CTNNA2: variants seen among roughly 807,000 people sequenced by gnomAD.
CTNNA2 encodes the protein catenin alpha-2.
CTNNA2 carries 42 observed loss-of-function variants against 101.0 expected under a neutral mutation model. That is an observed-to-expected ratio of 0.42 (90% confidence interval 0.32 to 0.54). The LOEUF (loss-of-function observed/expected upper bound fraction) is 0.54. Ranked by LOEUF, CTNNA2 falls within the 20% of genes least tolerant of loss-of-function variation. The pLI is 0.14. For synonymous variants in CTNNA2, 450 were observed against 456.4 expected (o/e 0.99, Z 0.18); for missense variants, 871 against 1,223.1 (o/e 0.71, Z 4.29).
chr2:80,523,100 A>G (rs1012288899), intron 9 of CTNNA2, among the ~76,000 whole-genome samples: 1 of 152,184 alleles, frequency 6.6e-6, no homozygotes, highest in Non-Finnish European at 1.5e-5. Flanking sequence ...AAATAGGGTC[A>G]GGGTGAATGA....
intron 3 of CTNNA2, among the ~76,000 whole-genome samples, chr2:79,326,345 G>T (rs1676747502): frequency 6.6e-6 from 1 of 150,900 alleles, no homozygotes; most frequent in Non-Finnish European, 1.5e-5. Flanking sequence ...GTAGGGGATT[G>T]GAAGAAAAAT....
At chr2:79,545,965 T>G (rs1173819003) in intron 1 of CTNNA2, among the ~76,000 whole-genome samples, 1 of 152,186 alleles carries the variant, frequency 6.6e-6, no homozygotes, top group East Asian at 1.9e-4. Flanking sequence ...TTATCTCAGT[T>G]TAGCAGAGAA....
intron 2 of CTNNA2, among the ~76,000 whole-genome samples, chr2:79,307,283 A>G (rs1005503095): frequency 6.6e-6 from 1 of 152,116 alleles, no homozygotes. Flanking sequence ...ATTATATCAG[A>G]TATTATTGTT....
At chr2:79,620,679 G>T (rs565716621) in intron 1 of CTNNA2, among the ~76,000 whole-genome samples, 1 of 152,270 alleles carries the variant, frequency 6.6e-6, no homozygotes. Context: ...AGGTTCTGTT[G>T]ACCCTCAAGA....
At chr2:79,294,063 T>A (rs1675903224) in intron 2 of CTNNA2, among the ~76,000 whole-genome samples, 1 of 152,062 alleles carries the variant, frequency 6.6e-6, no homozygotes, top group African/African-American at 2.4e-5. Flanking sequence ...TTAAGCAATG[T>A]AAATTTCTCT....
intron 7 of CTNNA2, among the ~76,000 whole-genome samples, chr2:79,973,525 T>C (rs560395379): frequency 1.3e-5 from 2 of 152,032 alleles, no homozygotes; most frequent in Admixed American, 6.6e-5. Flanking sequence ...TGGAAAAAAA[T>C]ATTGAAGCCT....
intron 18 of CTNNA2, among the ~76,000 whole-genome samples, chr2:80,635,517 A>AT (rs1398027009): frequency 6.6e-6 from 1 of 152,200 alleles, no homozygotes; most frequent in Non-Finnish European, 1.5e-5. Flanking sequence ...ATATAGCTAC[A>AT]TATGTGTCTA....
intron 9 of CTNNA2, among the ~76,000 whole-genome samples, chr2:80,518,692 T>C (rs545622282): frequency 6.6e-6 from 1 of 152,342 alleles, no homozygotes; most frequent in Non-Finnish European, 1.5e-5. Flanking sequence ...TGTTTTTTGC[T>C]ACTAGATTCT....
At chr2:79,786,752 C>T (rs1674879872) in intron 3 of CTNNA2, among the ~76,000 whole-genome samples, 4 of 151,980 alleles carry the variant, frequency 2.6e-5, no homozygotes, top group Admixed American at 2.6e-4. Context: ...ATAAGTACTC[C>T]CCAACCTGCT....
intron 7 of CTNNA2, among the ~76,000 whole-genome samples, chr2:80,341,128 T>C (rs965504889): frequency 5.9e-5 from 9 of 152,074 alleles, no homozygotes; most frequent in African/African-American, 2.2e-4. Flanking sequence ...AACAACAACT[T>C]GGAAGTTCTC....
At chr2:80,438,921 CTCTG>C (rs1434064636) in intron 9 of CTNNA2, among the ~76,000 whole-genome samples, 1 of 152,186 alleles carries the variant, frequency 6.6e-6, no homozygotes, top group Admixed American at 6.5e-5. Context: ...CCTTTTTATG[CTCTG>C]TCTGAGAAAT....
At chr2:80,008,575 T>A (rs1202447916) in intron 7 of CTNNA2, among the ~76,000 whole-genome samples, 1 of 152,158 alleles carries the variant, frequency 6.6e-6, no homozygotes, top group East Asian at 1.9e-4. Context: ...TGGACCCAGA[T>A]TCAAGGAAAG....
intron 7 of CTNNA2, among the ~76,000 whole-genome samples, chr2:80,344,055 C>A (rs1672483802): frequency 6.6e-6 from 1 of 152,106 alleles, no homozygotes; most frequent in Non-Finnish European, 1.5e-5. Flanking sequence ...GCACTCTGCC[C>A]CAACCTACCC....
intron 4 of CTNNA2, among the ~76,000 whole-genome samples, chr2:79,478,695 C>T (rs889094946): frequency 2.6e-5 from 4 of 152,202 alleles, no homozygotes; most frequent in Non-Finnish European, 5.9e-5. Flanking sequence ...ATACCTCTTA[C>T]TAATAATATT....
intron 7 of CTNNA2, among the ~76,000 whole-genome samples, chr2:80,092,803 C>T (rs1699868731): frequency 1.3e-5 from 2 of 152,092 alleles, no homozygotes; most frequent in South Asian, 2.1e-4. Flanking sequence ...CTATTCCATC[C>T]AGAGGTTCCC....
intron 7 of CTNNA2, among the ~76,000 whole-genome samples, chr2:79,947,288 A>G (rs1688563554): frequency 6.6e-6 from 1 of 152,190 alleles, no homozygotes; most frequent in African/African-American, 2.4e-5. Flanking sequence ...TTTCTGTTCT[A>G]TTAGGATATA....
intron 9 of CTNNA2, among the ~76,000 whole-genome samples, chr2:80,516,204 A>G (rs1239109425): frequency 6.6e-6 from 1 of 152,208 alleles, no homozygotes; most frequent in Non-Finnish European, 1.5e-5. Context: ...GCTAATATGC[A>G]TCTTGCCTTT....
intron 7 of CTNNA2, among the ~76,000 whole-genome samples, chr2:80,067,912 A>T (rs539955993): frequency 6.6e-6 from 1 of 152,272 alleles, no homozygotes; most frequent in East Asian, 1.9e-4. Flanking sequence ...GCTCCAGTCA[A>T]GCCTCGAGGT....
At chr2:80,167,185 T>G (rs1704756160) in intron 7 of CTNNA2, among the ~76,000 whole-genome samples, 1 of 152,202 alleles carries the variant, frequency 6.6e-6, no homozygotes, top group Non-Finnish European at 1.5e-5. Context: ...AACCTAACGC[T>G]GTATCTTCCA....
Sources: gnomAD v4.1 joint callset for allele counts (sites outside exome capture counted in the v4.1 genomes callset) on GRCh38, gnomAD v4.1.1 for gene constraint, MANE v1.5 for transcripts, NCBI Gene and HGNC (gene_info 2026-07-23, HGNC 2026-07-21) for gene names.